Variants in GGT1 observed in about 807,000 individuals in gnomAD.
The protein encoded by GGT1 is glutathione hydrolase 1 proenzyme.
Under a neutral mutation model 56.0 loss-of-function variants are expected in GGT1, and 21 were observed. That is an observed-to-expected ratio of 0.38 (90% CI 0.27 to 0.54). The LOEUF (loss-of-function observed/expected upper bound fraction) is 0.54. GGT1 is among the 20% of genes least tolerant of loss of function. The pLI is 0.82. For missense variants in GGT1, 466 were observed against 787.0 expected (o/e 0.59, Z 4.88); for synonymous variants, 238 against 342.6 (o/e 0.69, Z 3.37).
chr22:24,615,937 C>T (rs1187733469), intron 7 of GGT1: 1 of 142,352 alleles, frequency 7.0e-6, no homozygotes, highest in African/African-American at 2.9e-5. Flanking sequence ...TAGCAAGACT[C>T]CATCTCTACA....
chr22:24,606,085 A>G (rs1225327275), intron 1 of GGT1, among the ~76,000 whole-genome samples: 3 of 106,032 alleles, frequency 2.8e-5, no homozygotes, highest in Non-Finnish European at 5.0e-5. Context: ...TATATCATAT[A>G]TTATATTTAT....
At chr22:24,594,369 C>A (rs5760487), upstream of GGT1, among the ~76,000 whole-genome samples, 1 of 148,048 alleles carries the variant, frequency 6.8e-6, no homozygotes, top group African/African-American at 2.6e-5. Flanking sequence ...ATATGAGGGA[C>A]GACAGCCAAG....
At chr22:24,588,704 C>A in the GGT1 span, 7 of 1,084,082 alleles carry the variant, frequency 6.5e-6, no homozygotes, top group Non-Finnish European at 6.8e-6. Flanking sequence ...CCAGACCAGG[C>A]CCCTCGAGGG....
At chr22:24,589,418 C>T in the GGT1 span, 15 of 1,021,812 alleles carry the variant, frequency 1.5e-5, no homozygotes, top group Non-Finnish European at 7.2e-6. Flanking sequence ...GGGCTCTAGC[C>T]GAGAGCGGCT....
At chr22:24,587,460 G>A in the GGT1 span, among the ~76,000 whole-genome samples, 8 of 152,238 alleles carry the variant, frequency 5.3e-5, no homozygotes, top group Non-Finnish European at 1.0e-4. Context: ...ACCAGCCATG[G>A]CAGGGAACAA....
At chr22:24,625,091 T>C (rs533462510) in intron 11 of GGT1, among the ~76,000 whole-genome samples, 1 of 152,322 alleles carries the variant, frequency 6.6e-6, no homozygotes, top group Admixed American at 6.5e-5. Context: ...TTCCTAACTC[T>C]CTCCGTCTCC....
In GGT1 at chr22:24,620,972, A is replaced by C; in HGVS notation, c.635A>C (p.Gln212Pro). The C allele has an allele frequency of 6.2e-7, 1 of 1,612,022 alleles. No individual in the cohort carries two copies. Among genetic ancestry groups the C allele is most frequent in the Non-Finnish European group, 8.5e-7 (1 of 1,179,854 alleles). ...LREGERLTLP[Q>P]LADTYETLAI... ...GAGGGGGAGAGACTGACCCTGCCGCAGCTGGCTGACACCTACGAGACGCTG... is the reference window on the plus strand; with the variant it reads ...GAGGGGGAGAGACTGACCCTGCCGCCGCTGGCTGACACCTACGAGACGCTG... The change falls in exon 9 of 16, where the codon CAG (glutamine) becomes CCG (proline). Residue 212 changes from glutamine to proline, a missense_variant. Coordinates refer to ENST00000400382, the MANE Select transcript of GGT1 (RefSeq NM_001288833.2). This position sits in a 1 kb window ranked among gnomAD's most constrained non-coding sequence, Gnocchi z 5.6.
chr22:24,611,449 GTC>G (rs1353377566), intron 5 of GGT1, among the ~76,000 whole-genome samples: 3 of 152,014 alleles, frequency 2.0e-5, no homozygotes, highest in Non-Finnish European at 4.4e-5. Flanking sequence ...AGTTCTAAGA[GTC>G]TCTGTCTCTT....
chr22:24,607,836 G>T (rs1312267559), intron 1 of GGT1, 118 bp from the exon 2 acceptor site: 19 of 357,528 alleles, frequency 5.3e-5, no homozygotes, highest in Non-Finnish European at 9.8e-5. Flanking sequence ...GGCCCCCTGA[G>T]GAGTGCTGCA....
intron 1 of GGT1, among the ~76,000 whole-genome samples, chr22:24,605,075 T>A (rs1473553433): frequency 4.5e-5 from 3 of 67,026 alleles, no homozygotes; most frequent in Admixed American, 2.5e-4. Flanking sequence ...TAATATATAA[T>A]ATATAAAGTA....
the GGT1 span, chr22:24,586,003 G>A: frequency 6.2e-6 from 10 of 1,610,730 alleles, no homozygotes; most frequent in Middle Eastern, 1.6e-4. Context: ...CCAGGCCCTC[G>A]TAGATGGTGG....
At chr22:24,596,167 A>G (rs1350207159) in intron 1 of GGT1, among the ~76,000 whole-genome samples, 1 of 152,228 alleles carries the variant, frequency 6.6e-6, no homozygotes, top group Admixed American at 6.5e-5. Context: ...CCTGGATTCA[A>G]ATCCCCTGGG....
chr22:24,594,320 C>A (rs1411821136), upstream of GGT1, among the ~76,000 whole-genome samples: 1 of 151,594 alleles, frequency 6.6e-6, no homozygotes, highest in African/African-American at 2.4e-5. Context: ...AGGACTGGTA[C>A]CTGTTGTGCA....
upstream of GGT1, among the ~76,000 whole-genome samples, chr22:24,598,666 C>T (rs891922179): frequency 1.3e-5 from 2 of 151,986 alleles, no homozygotes; most frequent in African/African-American, 4.8e-5. Context: ...TGATCCTCCC[C>T]CCTCAGCCTC....
At chr22:24,621,780 G>C (rs1441005685) in intron 9 of GGT1, among the ~76,000 whole-genome samples, 1 of 152,154 alleles carries the variant, frequency 6.6e-6, no homozygotes, top group African/African-American at 2.4e-5. Context: ...GCCAGGCGCG[G>C]TGGCTCACGT....
the GGT1 span, chr22:24,583,758 T>A: frequency 4.2e-6 from 2 of 471,194 alleles, no homozygotes; most frequent in Non-Finnish European, 8.8e-6. Context: ...CCGCCTGGAT[T>A]CTCCCAGAGA....
At chr22:24,593,850 C>T (rs924059522), upstream of GGT1, among the ~76,000 whole-genome samples, 1 of 152,084 alleles carries the variant, frequency 6.6e-6, no homozygotes, top group Admixed American at 6.5e-5. Context: ...AGGACCTGCT[C>T]ACGCTACATG....
At chr22:24,612,300 AT>A (rs1392868022) in intron 5 of GGT1, among the ~76,000 whole-genome samples, 18 of 29,520 alleles carry the variant, frequency 6.1e-4, no homozygotes, top group African/African-American at 2.4e-3. Flanking sequence ...CTTTTTTTTT[AT>A]TTTATTTTAT....
At chr22:24,588,132 C>A in the GGT1 span, 1 of 1,103,490 alleles carries the variant, frequency 9.1e-7, no homozygotes, top group Admixed American at 2.0e-5. Flanking sequence ...CAGCACCAGC[C>A]TCTTGGTGAG....
Sources: allele counts gnomAD v4.1 joint callset (sites outside exome capture counted in the v4.1 genomes callset), GRCh38; gene constraint gnomAD v4.1.1; non-coding constraint Gnocchi (gnomAD v3.1); transcripts MANE v1.5; gene names NCBI Gene and HGNC (gene_info 2026-07-23, HGNC 2026-07-21).